The following CCDC60 variants were observed in gnomAD, a reference collection of about 807,000 sequenced individuals.
The protein encoded by CCDC60 is coiled-coil domain-containing protein 60.
Under a neutral mutation model 63.5 loss-of-function variants are expected in CCDC60, and 54 were observed. That is an observed-to-expected ratio of 0.85 (90% CI 0.68 to 1.07). CCDC60 has a LOEUF of 1.07. Ranked by LOEUF, CCDC60 falls within the 50% of genes least tolerant of loss-of-function variation. CCDC60 has a pLI of 0.00. For synonymous variants in CCDC60, 206 were observed against 238.8 expected, an observed-to-expected ratio of 0.86 and a Z score of 1.27; for missense variants, 651 against 684.3, an observed-to-expected ratio of 0.95 and a Z score of 0.54.
chr12:119,487,390 C>G (rs1191732236), intron 4 of CCDC60, among the ~76,000 whole-genome samples: 1 of 151,784 alleles, frequency 6.6e-6, no homozygotes, highest in Non-Finnish European at 1.5e-5. Context: ...CTCCGCCTCT[C>G]AGGCTCAAGC....
intron 1 of CCDC60, among the ~76,000 whole-genome samples, chr12:119,363,013 G>A (rs557935799): frequency 3.9e-5 from 6 of 152,300 alleles, no homozygotes; most frequent in Admixed American, 2.6e-4. Context: ...CAGGAGAATC[G>A]CTTGAATGCA....
intron 1 of CCDC60, among the ~76,000 whole-genome samples, chr12:119,406,889 G>A (rs867528015): frequency 1.3e-5 from 2 of 152,116 alleles, no homozygotes; most frequent in Admixed American, 6.5e-5. Context: ...CAGGCATCAC[G>A]GCTGCATTTT....
chr12:119,464,818 A>C (rs1950921314), intron 2 of CCDC60, among the ~76,000 whole-genome samples: 1 of 152,240 alleles, frequency 6.6e-6, no homozygotes. Context: ...TTGCTCTTGC[A>C]ACCCAACTCT....
intron 5 of CCDC60, among the ~76,000 whole-genome samples, chr12:119,499,676 T>G (rs935728787): frequency 6.6e-6 from 1 of 152,204 alleles, no homozygotes; most frequent in East Asian, 1.9e-4. Context: ...TCTGTGTGTC[T>G]CTCAGAAATG....
At chr12:119,428,914 A>G (rs1956948101) in intron 2 of CCDC60, 152 bp downstream of exon 2, 3 of 555,438 alleles carry the variant, frequency 5.4e-6, no homozygotes, top group Non-Finnish European at 9.7e-6. Flanking sequence ...TGGGAGGAGC[A>G]GAGGGCAGGA....
chr12:119,404,257 TCC>T (rs1956444905), intron 1 of CCDC60, among the ~76,000 whole-genome samples: 1 of 152,186 alleles, frequency 6.6e-6, no homozygotes, highest in South Asian at 2.1e-4. Context: ...GCCACTGCAC[TCC>T]AGCCTGGTTG....
chr12:119,473,543 T>C (rs1244933452), intron 3 of CCDC60, among the ~76,000 whole-genome samples: 1 of 152,198 alleles, frequency 6.6e-6, no homozygotes, highest in Non-Finnish European at 1.5e-5. Context: ...GAGATTATGG[T>C]GCACCCATCA....
At chr12:119,351,085 C>A (rs1367058496) in intron 1 of CCDC60, among the ~76,000 whole-genome samples, 1 of 152,236 alleles carries the variant, frequency 6.6e-6, no homozygotes, top group Non-Finnish European at 1.5e-5. Flanking sequence ...AGCTCTTGAG[C>A]AATCCCAATG....
Position 119,335,211 on chromosome 12 carries a change from G to A in CCDC60, c.35G>A (p.Ser12Asn). The change falls in exon 1 of 14, where the codon AGT (serine) becomes AAT (asparagine). Residue 12 changes from serine (S) to asparagine (N), a missense_variant. Coordinates refer to ENST00000327554, the MANE Select transcript of CCDC60 (RefSeq NM_178499.5). The stretch of plus-strand genomic sequence containing the variant: ...GTTCCAGCCACCAAGAAGCTTCAGA[G>A]TTCCCCCAACTCGGGGGCTGTCCGG... ...TKVPATKKLQ[S>N]SPNSGAVRPF... The A allele has an allele frequency of 6.2e-7, 1 of 1,607,466 alleles. No individual in the cohort carries two copies. Among genetic ancestry groups the A allele is most frequent in the Non-Finnish European group, 8.5e-7 (1 of 1,177,368 alleles).
At position 119,528,632 on chromosome 12, in the gene CCDC60, GT is replaced by G. The variant is rs1180584550; in HGVS notation, c.1248del (p.Ile417SerfsTer17). 2 of 1,613,560 alleles carry G rather than the reference GT, an allele frequency of 1.2e-6. No homozygotes were observed. Among genetic ancestry groups the G allele is most frequent in the African/African-American group, 2.7e-5 (2 of 74,914 alleles). On this transcript the variant is annotated frameshift_variant, in exon 12 of 14. Transcript: ENST00000327554. LOFTEE classifies it high-confidence loss of function. ...CCTTGTAGGCGCCAAGAAGAGAGAG[GT>G]ATCCAGAAGTTCCGTGCTTTTGTCC... ...EILMKRQEERGIQKFRAFVLV... is the reference protein window; with the variant it reads ...EILMKRQEERXIQKFRAFVLV...
At chr12:119,535,342 T>G (rs972978998) in intron 13 of CCDC60, among the ~76,000 whole-genome samples, 1 of 152,234 alleles carries the variant, frequency 6.6e-6, no homozygotes, top group Non-Finnish European at 1.5e-5. Context: ...TCTATCAATT[T>G]TGTTGATCTT....
intron 1 of CCDC60, among the ~76,000 whole-genome samples, chr12:119,416,795 G>T (rs942604430): frequency 2.6e-5 from 4 of 152,056 alleles, no homozygotes; most frequent in African/African-American, 7.2e-5. Flanking sequence ...ACAAATCAAG[G>T]GTTGGGCCAG....
intron 13 of CCDC60, among the ~76,000 whole-genome samples, chr12:119,531,307 C>T (rs974787748): frequency 6.6e-6 from 1 of 152,140 alleles, no homozygotes; most frequent in Non-Finnish European, 1.5e-5. Context: ...AAAAAATGGG[C>T]AGTAATAAGG....
At chr12:119,513,532 T>C (rs978324904) in intron 7 of CCDC60, among the ~76,000 whole-genome samples, 1 of 152,214 alleles carries the variant, frequency 6.6e-6, no homozygotes, top group Non-Finnish European at 1.5e-5. Flanking sequence ...CTTTTCCCTA[T>C]ATATCTCTCT....
At chr12:119,361,298 CA>C (rs972182436) in intron 1 of CCDC60, among the ~76,000 whole-genome samples, 1 of 152,026 alleles carries the variant, frequency 6.6e-6, no homozygotes, top group Non-Finnish European at 1.5e-5. Flanking sequence ...TTTACACAAG[CA>C]AAAAATATTG....
chr12:119,463,800 T>A (rs1438095074), intron 2 of CCDC60, among the ~76,000 whole-genome samples: 1 of 152,226 alleles, frequency 6.6e-6, no homozygotes, highest in African/African-American at 2.4e-5. Flanking sequence ...CATGAAGATG[T>A]TAGACTGAGT....
chr12:119,442,673 C>T (rs1950471173), intron 2 of CCDC60, among the ~76,000 whole-genome samples: 1 of 152,128 alleles, frequency 6.6e-6, no homozygotes, highest in South Asian at 2.1e-4. Context: ...CTTTACTATC[C>T]AATATCCACA....
intron 1 of CCDC60, among the ~76,000 whole-genome samples, chr12:119,385,274 C>T (rs371028764): frequency 2.6e-5 from 4 of 152,166 alleles, no homozygotes; most frequent in African/African-American, 9.7e-5. Context: ...CAGTTGGATT[C>T]AGCCAATAGA....
Position 119,387,032 on chromosome 12 carries a change from TCTCACA to T in CCDC60, c.91-41649_91-41644del, listed in dbSNP as rs1395897659. ...CTCTCCCTCCCTCCCCCTCTGTCTCTCTCACACACACACACACACACACACACACAC... is the reference window on the plus strand; with the variant it reads ...CTCTCCCTCCCTCCCCCTCTGTCTCTCACACACACACACACACACACACAC... On this transcript the variant is annotated intron_variant, in intron 1 of 13. Transcript: ENST00000327554. 3.8e-4 allele frequency among the ~76,000 whole-genome samples: 46 copies of T among 120,264 alleles called. 1 individual carries two copies. Among genetic ancestry groups the T allele is most frequent in the Admixed American group, 1.0e-3 (11 of 10,934 alleles). The allele number at this position is 120,264 out of a possible 152,430, so 78.9% of individuals were successfully genotyped here.
Sources: allele counts gnomAD v4.1 joint callset (sites outside exome capture counted in the v4.1 genomes callset), GRCh38; gene constraint gnomAD v4.1.1; transcripts MANE v1.5; gene names NCBI Gene and HGNC (gene_info 2026-07-23, HGNC 2026-07-21).